The following WHRN variants were observed in gnomAD, a reference collection of about 807,000 sequenced individuals.
WHRN encodes CASK-interacting protein CIP98.
A neutral mutation model predicts 68.3 loss-of-function variants in WHRN; 41 were observed. The observed-to-expected ratio is 0.60, with a 90% confidence interval of 0.47 to 0.78. The LOEUF (loss-of-function observed/expected upper bound fraction) is 0.78. Ranked by LOEUF, WHRN falls within the 30% of genes least tolerant of loss-of-function variation. WHRN has a pLI of 0.00. For synonymous variants in WHRN, 560 were observed against 561.3 expected (o/e 1.00, Z 0.03); for missense variants, 1,243 against 1,244.7 (o/e 1.00, Z 0.02).
intron 3 of WHRN, among the ~76,000 whole-genome samples, chr9:114,438,702 T>C (rs969265785): frequency 1.2e-4 from 18 of 152,128 alleles, no homozygotes; most frequent in Admixed American, 4.6e-4. Flanking sequence ...CCGCCCGCCT[T>C]GGCCTCCCAA....
chr9:114,452,690 A>G (rs1411178139), intron 3 of WHRN, among the ~76,000 whole-genome samples: 1 of 152,214 alleles, frequency 6.6e-6, no homozygotes, highest in Non-Finnish European at 1.5e-5. Context: ...GAGGCTGGGT[A>G]GCAGCCTGGC....
intron 1 of WHRN, among the ~76,000 whole-genome samples, chr9:114,484,014 C>T (rs1842294132): frequency 6.6e-6 from 1 of 152,164 alleles, no homozygotes; most frequent in South Asian, 2.1e-4. Flanking sequence ...GCAGTGAGCA[C>T]TTGAGCTATG....
chr9:114,491,835 T>C, intron 1 of WHRN: 1 of 262,428 alleles, frequency 3.8e-6, no homozygotes, highest in Non-Finnish European at 7.7e-6. Context: ...GGCCCACAAG[T>C]CCCAGCCCTG....
intron 5 of WHRN, among the ~76,000 whole-genome samples, 172 bp from the exon 6 acceptor site, chr9:114,424,718 T>C (rs1836656218): frequency 6.6e-6 from 1 of 152,202 alleles, no homozygotes; most frequent in Non-Finnish European, 1.5e-5. Context: ...TAATTAGAAT[T>C]TGTTTTGTCT....
At chr9:114,490,757 A>G (rs1258957964) in intron 1 of WHRN, among the ~76,000 whole-genome samples, 1 of 152,348 alleles carries the variant, frequency 6.6e-6, no homozygotes, top group East Asian at 1.9e-4. Flanking sequence ...AAAAAAACAT[A>G]AACCTTCAAA....
intron 1 of WHRN, among the ~76,000 whole-genome samples, chr9:114,484,875 C>A (rs76983937): frequency 2.1e-3 from 313 of 152,294 alleles, no homozygotes; most frequent in Middle Eastern, 3.4e-3. Flanking sequence ...AAATCATAGA[C>A]CAGGCTGACA....
intron 7 of WHRN, among the ~76,000 whole-genome samples, chr9:114,413,451 G>A (rs568058210): frequency 1.1e-4 from 17 of 152,156 alleles, no homozygotes; most frequent in Non-Finnish European, 2.1e-4. Flanking sequence ...CATTCCTGGG[G>A]GGCAGTGGGG....
At chr9:114,494,710 C>T (rs867689938) in intron 1 of WHRN, among the ~76,000 whole-genome samples, 1 of 152,276 alleles carries the variant, frequency 6.6e-6, no homozygotes, top group Middle Eastern at 3.4e-3. Context: ...AAACTCTTGG[C>T]AATTTTGGAA....
chr9:114,439,044 T>C (rs908554740), intron 3 of WHRN, among the ~76,000 whole-genome samples: 1 of 151,412 alleles, frequency 6.6e-6, no homozygotes, highest in African/African-American at 2.4e-5. Flanking sequence ...CTATCTTTTA[T>C]AGAAGAAAGA....
intron 1 of WHRN, among the ~76,000 whole-genome samples, chr9:114,495,368 G>C (rs1843364465): frequency 6.6e-6 from 1 of 152,200 alleles, no homozygotes; most frequent in African/African-American, 2.4e-5. Flanking sequence ...GGCAGTGCTG[G>C]TGGCAATGGT....
intron 4 of WHRN, 114 bp from the exon 5 acceptor site, chr9:114,425,138 C>T (rs754292634): frequency 2.4e-5 from 26 of 1,084,204 alleles, no homozygotes; most frequent in East Asian, 9.4e-5. Context: ...AACCATGCAT[C>T]GTGGCCTCCA....
At chr9:114,498,629 G>A (rs1410997649) in intron 1 of WHRN, among the ~76,000 whole-genome samples, 1 of 152,156 alleles carries the variant, frequency 6.6e-6, no homozygotes, top group African/African-American at 2.4e-5. Context: ...CCTTAGTAAG[G>A]TGAAGTCTCT....
intron 3 of WHRN, among the ~76,000 whole-genome samples, chr9:114,441,070 T>C (rs925062941): frequency 1.3e-5 from 2 of 152,020 alleles, no homozygotes; most frequent in Admixed American, 6.6e-5. Flanking sequence ...AAACAGATGA[T>C]GTAAACTTAC....
intron 1 of WHRN, among the ~76,000 whole-genome samples, chr9:114,493,364 A>T (rs1194483714): frequency 7.7e-6 from 1 of 129,536 alleles, no homozygotes; most frequent in Non-Finnish European, 1.6e-5. Flanking sequence ...TTTAAAAAAA[A>T]AAAAAAAGTG....
At chr9:114,487,796 G>C (rs978958542) in intron 1 of WHRN, among the ~76,000 whole-genome samples, 20 of 152,166 alleles carry the variant, frequency 1.3e-4, no homozygotes, top group Non-Finnish European at 2.9e-4. Context: ...TGCCATCTGG[G>C]CCTACAGAGG....
intron 3 of WHRN, among the ~76,000 whole-genome samples, chr9:114,431,189 G>A (rs2132468859): frequency 6.6e-6 from 1 of 152,286 alleles, no homozygotes; most frequent in South Asian, 2.1e-4. Flanking sequence ...TGACATAGTA[G>A]CTGAGTGGCC....
chr9:114,447,294 C>T (rs1838908408), intron 3 of WHRN, among the ~76,000 whole-genome samples: 1 of 152,194 alleles, frequency 6.6e-6, no homozygotes, highest in African/African-American at 2.4e-5. Flanking sequence ...TGGAAGCAGC[C>T]TGCCTGGCTC....
At chr9:114,415,917 C>G (rs1340010524) in intron 7 of WHRN, among the ~76,000 whole-genome samples, 1 of 151,932 alleles carries the variant, frequency 6.6e-6, no homozygotes, top group Non-Finnish European at 1.5e-5. Context: ...AAAAAAAAAG[C>G]TGGTTTGACA....
chr9:114,420,173 G>A lies in WHRN; in HGVS notation c.1626+3141C>T, dbSNP rs920937166. 2.6e-5 allele frequency among the ~76,000 whole-genome samples: 4 copies of A among 152,154 alleles called. No homozygotes were observed. In the South Asian group the frequency reaches 6.2e-4, roughly 24 times the overall value. On this transcript the variant is annotated intron_variant, in intron 7 of 11. Coordinates refer to ENST00000362057, the MANE Select transcript of WHRN (RefSeq NM_015404.4). Reference sequence around the variant, plus strand: ...CAACCCCTTCCCCAAATGCACACGCGCACACACACATGCAAAATCCACACG... The same window carrying A: ...CAACCCCTTCCCCAAATGCACACGCACACACACACATGCAAAATCCACACG...
Sources: allele counts gnomAD v4.1 joint callset (sites outside exome capture counted in the v4.1 genomes callset), GRCh38; gene constraint gnomAD v4.1.1; transcripts MANE v1.5; gene names NCBI Gene and HGNC (gene_info 2026-07-23, HGNC 2026-07-21).